CHD9: variants seen among roughly 807,000 people sequenced by gnomAD.
The protein encoded by CHD9 is chromodomain helicase DNA binding protein 9.
Under a neutral mutation model 316.1 loss-of-function variants are expected in CHD9, and 77 were observed. The observed-to-expected ratio is 0.24, with a 90% CI of 0.20 to 0.29. The LOEUF (loss-of-function observed/expected upper bound fraction) is 0.29, where lower values mean the gene tolerates loss of function less well. CHD9 is among the 10% of genes least tolerant of loss of function. The pLI is 1.00. For synonymous variants in CHD9, 1,129 were observed against 1,158.3 expected (o/e 0.97, Z 0.51); for missense variants, 2,763 against 3,438.1 (o/e 0.80, Z 4.91).
intron 2 of CHD9, among the ~76,000 whole-genome samples, chr16:53,171,189 C>G (rs772061466): frequency 6.6e-5 from 10 of 152,066 alleles, no homozygotes; most frequent in African/African-American, 1.7e-4. Context: ...GTGGGTGGAT[C>G]ATGAGGTCAG....
chr16:53,204,023 C>CAAAAAAAA (rs530552464), intron 2 of CHD9, among the ~76,000 whole-genome samples: 2 of 48,342 alleles, frequency 4.1e-5, no homozygotes, highest in African/African-American at 1.7e-4. Flanking sequence ...GACTCCATCT[C>CAAAAAAAA]AAAAAAAAAA....
intron 3 of CHD9, among the ~76,000 whole-genome samples, chr16:53,211,373 G>A (rs2046320538): frequency 6.6e-6 from 1 of 152,150 alleles, no homozygotes; most frequent in Non-Finnish European, 1.5e-5. Context: ...TAACACTGAA[G>A]CGGAGTACTG....
rs752154147 is a variant in CHD9, at chr16:53,286,249, C to T, written c.5095C>T (p.Arg1699Ter). Residue 1699 changes from arginine to a stop codon, truncating the protein, a stop_gained, in exon 26 of 39, where the codon CGA (arginine) becomes TGA (stop). Transcript: ENST00000447540. LOFTEE classifies it high-confidence loss of function. ...AGGATATGAAAAATATAACACTATTCGAGCAGACCCAGCATTATGCTTCTT... is the reference window on the plus strand; with the variant it reads ...AGGATATGAAAAATATAACACTATTTGAGCAGACCCAGCATTATGCTTCTT... ...KHGYEKYNTI[R>*]ADPALCFLER... is the part of the protein sequence containing the mutation. 6.2e-7 allele frequency: 1 copy of T among 1,609,720 alleles called. No individual in the cohort carries two copies. The highest frequency in any genetic ancestry group is 8.5e-7 in the Non-Finnish European group (1 of 1,176,312).
chr16:53,255,554 T>C, intron 18 of CHD9, 46 bp from the exon 19 acceptor site: 1 of 1,557,726 alleles, frequency 6.4e-7, no homozygotes, highest in South Asian at 1.2e-5. Context: ...TCTCACTTTA[T>C]GAACTTTAAA....
chr16:53,143,300 C>G (rs559048567), intron 1 of CHD9, among the ~76,000 whole-genome samples: 39 of 151,910 alleles, frequency 2.6e-4, no homozygotes, highest in African/African-American at 8.9e-4. Context: ...GAATACATGG[C>G]ATTAAAGCCC....
rs1287756808 is a variant in CHD9 at position 53,107,491 on chromosome 16, A to AAATAC, written c.-164-48434_-164-48433insATACA. 5.3e-4 allele frequency among the ~76,000 whole-genome samples: 77 copies of AAATAC among 146,160 alleles called. No homozygotes were observed. The South Asian group carries it at 5.9e-3, about 11-fold the overall frequency. On this transcript the variant is annotated intron_variant, in intron 1 of 38. Coordinates refer to ENST00000447540, the MANE Select transcript of CHD9 (RefSeq NM_001308319.2). ...AAATAAAATAAAATAAAATAAAATA[A>AAATAC]ATAAAATAAAATAAAATAAAATATA...
intron 2 of CHD9, among the ~76,000 whole-genome samples, chr16:53,193,278 C>T (rs1031551337): frequency 2.0e-5 from 3 of 151,810 alleles, no homozygotes; most frequent in African/African-American, 4.8e-5. Context: ...GAAACCCTGT[C>T]GCTACTAAAA....
chr16:53,228,170 T>G (rs1268326186), intron 7 of CHD9, among the ~76,000 whole-genome samples: 1 of 152,128 alleles, frequency 6.6e-6, no homozygotes, highest in Non-Finnish European at 1.5e-5. Flanking sequence ...AAAATATGCT[T>G]TTATAATTTA....
At chr16:53,239,149 T>C (rs1390815139) in intron 12 of CHD9, among the ~76,000 whole-genome samples, 3 of 152,170 alleles carry the variant, frequency 2.0e-5, no homozygotes, top group Non-Finnish European at 4.4e-5. Context: ...ATGATGTTCC[T>C]CTCTCCATGT....
intron 3 of CHD9, among the ~76,000 whole-genome samples, chr16:53,217,912 T>TTTTCTTTCTTTCTTTCTTTC (rs138448097): frequency 6.9e-6 from 1 of 144,204 alleles, no homozygotes; most frequent in African/African-American, 2.6e-5. Context: ...GCTTATACTC[T>TTTTCTTTCTTTCTTTCTTTC]TTTCTTTCTT....
chr16:53,255,439 C>A (rs1432265206), intron 18 of CHD9, among the ~76,000 whole-genome samples, 161 bp from the exon 19 acceptor site: 1 of 152,204 alleles, frequency 6.6e-6, no homozygotes, highest in Non-Finnish European at 1.5e-5. Flanking sequence ...GAAGAGTCAA[C>A]AACTTCAATG....
intron 1 of CHD9, among the ~76,000 whole-genome samples, chr16:53,071,721 C>T (rs1299394482): frequency 6.6e-6 from 1 of 152,164 alleles, no homozygotes; most frequent in African/African-American, 2.4e-5. Flanking sequence ...GCTCGCCCAC[C>T]CCTCGGTCCT....
intron 38 of CHD9, among the ~76,000 whole-genome samples, chr16:53,322,298 AG>A (rs2057329758): frequency 6.6e-6 from 1 of 151,374 alleles, no homozygotes. Flanking sequence ...TTCCCAGCCT[AG>A]GCAACTATTT....
chr16:53,176,790 T>C (rs1185509089), intron 2 of CHD9, among the ~76,000 whole-genome samples: 1 of 152,222 alleles, frequency 6.6e-6, no homozygotes, highest in Admixed American at 6.5e-5. Flanking sequence ...TTAAATAAAC[T>C]GAGCAATTTT....
intron 1 of CHD9, among the ~76,000 whole-genome samples, chr16:53,113,750 G>A (rs1396843354): frequency 1.3e-5 from 2 of 152,002 alleles, no homozygotes; most frequent in African/African-American, 4.8e-5. Context: ...AAAAAATCTG[G>A]AGTGTAGCGG....
intron 3 of CHD9, among the ~76,000 whole-genome samples, chr16:53,211,560 T>G (rs1370205072): frequency 6.6e-6 from 1 of 152,118 alleles, no homozygotes; most frequent in African/African-American, 2.4e-5. Context: ...TGGTAAAATA[T>G]TGAGTAGTTG....
intron 1 of CHD9, among the ~76,000 whole-genome samples, chr16:53,127,225 G>T (rs1234065298): frequency 6.6e-6 from 1 of 152,196 alleles, no homozygotes; most frequent in Non-Finnish European, 1.5e-5. Context: ...GCCTCCCAAA[G>T]TGCTGGGATT....
Position 53,304,570 on chromosome 16 carries a change from C to CTCTTCA in CHD9, c.6573_6578dup (p.Ser2192_Ser2193dup). 6.5e-7 allele frequency: 1 copy of CTCTTCA among 1,545,462 alleles called. No homozygotes were observed. The highest frequency in any genetic ancestry group is 8.8e-7 in the Non-Finnish European group (1 of 1,141,320). ...CCTCCACCTCTTCCTCCTCCTCCTC[C>CTCTTCA]TCTTCATCTTCATCAGAAGAAAGTG... On this transcript the variant is annotated inframe_insertion, in exon 31 of 39. Transcript: ENST00000447540.
At chr16:53,140,199 A>G (rs2040000878) in intron 1 of CHD9, among the ~76,000 whole-genome samples, 1 of 149,062 alleles carries the variant, frequency 6.7e-6, no homozygotes, top group Non-Finnish European at 1.5e-5. Flanking sequence ...GCTTATGTCT[A>G]TAATCCAGGT....
Sources: gnomAD v4.1 joint callset for allele counts (sites outside exome capture counted in the v4.1 genomes callset) on GRCh38, gnomAD v4.1.1 for gene constraint, MANE v1.5 for transcripts, NCBI Gene and HGNC (gene_info 2026-07-23, HGNC 2026-07-21) for gene names.